KCNIP4: variants seen among roughly 807,000 people sequenced by gnomAD.
The protein encoded by KCNIP4 is Kv channel-interacting protein 4.
In KCNIP4, 12 loss-of-function variants were observed where a neutral mutation model predicts 34.0. The ratio of observed to expected loss-of-function variants is 0.35; its 90% confidence interval spans 0.23 to 0.57. The LOEUF is 0.57. Among genes scored for constraint, KCNIP4 ranks in the 20% least tolerant of loss-of-function variants. The probability of loss-of-function intolerance (pLI) is 0.83; values close to 1 mark genes in which losing one functional copy is unlikely to be tolerated. For synonymous variants in KCNIP4, 124 were observed against 102.2 expected, an observed-to-expected ratio of 1.21 and a Z score of -1.29; for missense variants, 238 against 311.7, an observed-to-expected ratio of 0.76 and a Z score of 1.78.
chr4:20,995,755 C>T (rs947309927), intron 1 of KCNIP4, among the ~76,000 whole-genome samples: 3 of 152,166 alleles, frequency 2.0e-5, no homozygotes, highest in East Asian at 1.9e-4. Flanking sequence ...TTGACCTTTG[C>T]ATAATTTCCA....
At chr4:21,450,409 T>TTGTCC (rs1728419625) in intron 1 of KCNIP4, among the ~76,000 whole-genome samples, 1 of 152,174 alleles carries the variant, frequency 6.6e-6, no homozygotes, top group Non-Finnish European at 1.5e-5. Context: ...TTCCCAAGAA[T>TTGTCC]AAATGAACTG....
chr4:20,906,433 T>C (rs1333409081), intron 1 of KCNIP4, among the ~76,000 whole-genome samples: 1 of 152,188 alleles, frequency 6.6e-6, no homozygotes, highest in Non-Finnish European at 1.5e-5. Flanking sequence ...AGCCTAGTTC[T>C]AACGAAAAAG....
chr4:20,864,826 G>A (rs935318286), intron 2 of KCNIP4, among the ~76,000 whole-genome samples: 3 of 152,072 alleles, frequency 2.0e-5, no homozygotes, highest in African/African-American at 7.2e-5. Context: ...GCAGAACTGG[G>A]CCTAAATCTT....
At chr4:21,021,859 C>CATATA (rs1740081690) in intron 1 of KCNIP4, among the ~76,000 whole-genome samples, 1 of 145,844 alleles carries the variant, frequency 6.9e-6, no homozygotes, top group African/African-American at 2.6e-5. Context: ...AGTATAGTAT[C>CATATA]GTATAGTATA....
At chr4:21,016,648 G>A (rs1011748690) in intron 1 of KCNIP4, among the ~76,000 whole-genome samples, 2 of 150,896 alleles carry the variant, frequency 1.3e-5, no homozygotes, top group Non-Finnish European at 3.0e-5. Context: ...TCACTCACAC[G>A]GTTGCCTAGG....
At chr4:21,819,480 A>G (rs28475189) in intron 1 of KCNIP4, among the ~76,000 whole-genome samples, 15,234 of 152,098 alleles carry the variant, frequency 0.1, 2,569 homozygotes, top group African/African-American at 0.35. Context: ...TTATCTGTTT[A>G]TTGTCTATAT....
rs538860301 is a variant in KCNIP4 at position 21,232,098 on chromosome 4, G to A, written c.62-349389C>T. On this transcript the variant is annotated intron_variant, in intron 1 of 8. Coordinates refer to ENST00000382152, the MANE Select transcript of KCNIP4 (RefSeq NM_025221.6). The stretch of plus-strand genomic sequence containing the variant: ...TTCACCACTGCCGATAAATTGCTGG[G>A]TAGAATGAATGCCTCAGTGCTCAGG... 2.6e-5 allele frequency among the ~76,000 whole-genome samples: 4 copies of A among 152,232 alleles called. No homozygotes were observed. The South Asian group carries it at 8.3e-4, about 32-fold the overall frequency.
intron 3 of KCNIP4, among the ~76,000 whole-genome samples, chr4:20,831,390 C>T (rs1318982790): frequency 6.6e-6 from 1 of 152,068 alleles, no homozygotes; most frequent in African/African-American, 2.4e-5. Context: ...AACCACACAT[C>T]CTCCCCAAGT....
chr4:21,380,566 A>G (rs538236569), intron 1 of KCNIP4, among the ~76,000 whole-genome samples: 13 of 152,196 alleles, frequency 8.5e-5, no homozygotes, highest in Middle Eastern at 3.4e-3. Context: ...GATTTTTGAC[A>G]GTTATTGATG....
chr4:21,660,121 A>C (rs1358819308), intron 1 of KCNIP4, among the ~76,000 whole-genome samples: 1 of 152,172 alleles, frequency 6.6e-6, no homozygotes, highest in Non-Finnish European at 1.5e-5. Context: ...TTAAAGTCTT[A>C]GGATTTTTCC....
chr4:21,154,977 C>T (rs1342304920), intron 1 of KCNIP4, among the ~76,000 whole-genome samples: 1 of 152,188 alleles, frequency 6.6e-6, no homozygotes, highest in Admixed American at 6.5e-5. Context: ...CACTTGCTCT[C>T]TTTCATATTT....
chr4:21,615,726 G>T (rs1421654059), intron 1 of KCNIP4, among the ~76,000 whole-genome samples: 1 of 152,114 alleles, frequency 6.6e-6, no homozygotes, highest in African/African-American at 2.4e-5. Flanking sequence ...GATGACTGCA[G>T]TTTTATTCTT....
chr4:21,197,645 C>T (rs1262857416), intron 1 of KCNIP4, among the ~76,000 whole-genome samples: 2 of 151,436 alleles, frequency 1.3e-5, no homozygotes, highest in African/African-American at 4.9e-5. Flanking sequence ...TCAGTAGTCA[C>T]AGAAAGAAAG....
chr4:21,897,167 T>C (rs1727440803), intron 1 of KCNIP4, among the ~76,000 whole-genome samples: 1 of 152,106 alleles, frequency 6.6e-6, no homozygotes, highest in African/African-American at 2.4e-5. Flanking sequence ...TTTAGCCACA[T>C]TTCATTTTTT....
At chr4:21,077,154 T>TA (rs1165747167) in intron 1 of KCNIP4, among the ~76,000 whole-genome samples, 3 of 151,696 alleles carry the variant, frequency 2.0e-5, no homozygotes, top group Non-Finnish European at 4.4e-5. Flanking sequence ...ATTAAATAAA[T>TA]AAAAATTAAA....
chr4:21,363,018 T>C lies in KCNIP4; in HGVS notation c.62-480309A>G, dbSNP rs571802270. On this transcript the variant is annotated intron_variant, in intron 1 of 8. Coordinates refer to ENST00000382152, the MANE Select transcript of KCNIP4 (RefSeq NM_025221.6). ...CTGAGATAAAGTACTAAGTACTTTATACATGGAATCTCACTGAATTCTCAT... is the reference window on the plus strand; with the variant it reads ...CTGAGATAAAGTACTAAGTACTTTACACATGGAATCTCACTGAATTCTCAT... Among the ~76,000 whole-genome samples the C allele has an allele frequency of 3.9e-5, 6 of 152,310 alleles. No homozygotes were observed. The South Asian group carries it at 1.2e-3, about 32-fold the overall frequency.
chr4:21,833,464 T>G (rs1723120957), intron 1 of KCNIP4, among the ~76,000 whole-genome samples: 1 of 152,186 alleles, frequency 6.6e-6, no homozygotes, highest in Admixed American at 6.5e-5. Flanking sequence ...TAAATTTGTT[T>G]GAGTTCATTG....
At chr4:21,332,060 T>A (rs1715693448) in intron 1 of KCNIP4, among the ~76,000 whole-genome samples, 1 of 152,004 alleles carries the variant, frequency 6.6e-6, no homozygotes, top group African/African-American at 2.4e-5. Flanking sequence ...TCATAATCAA[T>A]CCCAAAACAA....
chr4:21,309,794 C>T (rs1477649505), intron 1 of KCNIP4, among the ~76,000 whole-genome samples: 1 of 152,118 alleles, frequency 6.6e-6, no homozygotes. Context: ...ATTGAAAACA[C>T]CTGAAATTCA....
Sources: allele counts gnomAD v4.1 joint callset (sites outside exome capture counted in the v4.1 genomes callset), GRCh38; gene constraint gnomAD v4.1.1; transcripts MANE v1.5; gene names NCBI Gene and HGNC (gene_info 2026-07-23, HGNC 2026-07-21).